Variants in SPAG17 observed in about 807,000 individuals in gnomAD.
The protein encoded by SPAG17 is sperm-associated antigen 17.
Under a neutral mutation model 273.6 loss-of-function variants are expected in SPAG17, and 169 were observed. The observed-to-expected ratio is 0.62, with a 90% CI of 0.55 to 0.70. The LOEUF (loss-of-function observed/expected upper bound fraction) is 0.70. Ranked by LOEUF, SPAG17 falls within the 30% of genes least tolerant of loss-of-function variation. The pLI is 0.00. For synonymous variants in SPAG17, 825 were observed against 873.2 expected, an observed-to-expected ratio of 0.94 and a Z score of 0.97; for missense variants, 2,557 against 2,627.8, an observed-to-expected ratio of 0.97 and a Z score of 0.59.
At chr1:118,015,444 GTTAT>G (rs1198172876) in intron 29 of SPAG17, among the ~76,000 whole-genome samples, 2 of 152,102 alleles carry the variant, frequency 1.3e-5, no homozygotes, top group Non-Finnish European at 2.9e-5. Flanking sequence ...GGATTCTTGA[GTTAT>G]TTAATGTGTG....
chr1:117,991,581 A>G lies in SPAG17; in HGVS notation c.5362-53T>C, dbSNP rs572317239. 3.5e-5 allele frequency: 40 copies of G among 1,138,350 alleles called. No homozygotes were observed. In the African/African-American group the frequency reaches 5.8e-4, roughly 16 times the overall value. 70.5% of individuals were successfully genotyped at this position (1,138,350 alleles called of 1,614,324 possible). On this transcript the variant is annotated intron_variant, in intron 36 of 48. Coordinates refer to ENST00000336338, the MANE Select transcript of SPAG17 (RefSeq NM_206996.4). ...CAAAAACTAGGAATTAGGAAGAGAG[A>G]GATACAAAAATGGTCATCAACTTGA...
At position 117,966,691 on chromosome 1, in the gene SPAG17, AT is replaced by A; in HGVS notation, c.6449del (p.Asp2150ValfsTer16). 1 of 1,614,026 alleles carries A rather than the reference AT, an allele frequency of 6.2e-7. No individual in the cohort carries two copies. Among genetic ancestry groups the A allele is most frequent in the Non-Finnish European group, 8.5e-7 (1 of 1,179,970 alleles). On this transcript the variant is annotated frameshift_variant, in exon 47 of 49. Transcript: ENST00000336338. LOFTEE classifies it high-confidence loss of function. Reference sequence around the variant, plus strand: ...AGATGTGTGCTGATCCCTTGGCCCCATCCTCTCCAACAGCTGTGGCAAATAA... The same window carrying A: ...AGATGTGTGCTGATCCCTTGGCCCCACCTCTCCAACAGCTGTGGCAAATAA... ...IELFATAVGE[D>X]GAKGSAHISH...
chr1:118,116,136 T>C (rs1657065848), intron 3 of SPAG17, among the ~76,000 whole-genome samples: 1 of 152,174 alleles, frequency 6.6e-6, no homozygotes, highest in Non-Finnish European at 1.5e-5. Context: ...TTACAGCTTG[T>C]TTCCCCTAAA....
At chr1:118,140,269 T>C (rs899241758) in intron 3 of SPAG17, among the ~76,000 whole-genome samples, 2 of 152,218 alleles carry the variant, frequency 1.3e-5, no homozygotes, top group Non-Finnish European at 2.9e-5. Context: ...AATACATTTT[T>C]TCTTTTTTTA....
At chr1:118,173,858 T>TAA (rs11392346) in intron 1 of SPAG17, among the ~76,000 whole-genome samples, 1,361 of 118,210 alleles carry the variant, frequency 0.012, 23 homozygotes, top group East Asian at 0.065. Flanking sequence ...AGACCCTGTC[T>TAA]AAAAAAAAAA....
intron 27 of SPAG17, among the ~76,000 whole-genome samples, chr1:118,023,984 A>G (rs1418832662): frequency 6.6e-6 from 1 of 152,156 alleles, no homozygotes; most frequent in African/African-American, 2.4e-5. Flanking sequence ...GCTGATGAGA[A>G]GTCAAATGTC....
intron 3 of SPAG17, among the ~76,000 whole-genome samples, chr1:118,132,031 G>A (rs1325393037): frequency 6.6e-6 from 1 of 152,230 alleles, no homozygotes; most frequent in Non-Finnish European, 1.5e-5. Context: ...TTTTCGTGGA[G>A]TTGGGGAGAT....
intron 1 of SPAG17, among the ~76,000 whole-genome samples, chr1:118,158,632 C>T (rs1195582453): frequency 6.6e-6 from 1 of 152,162 alleles, no homozygotes; most frequent in African/African-American, 2.4e-5. Flanking sequence ...AGACACGTTT[C>T]CTGGCCTGCC....
intron 32 of SPAG17, among the ~76,000 whole-genome samples, chr1:117,997,671 T>C (rs1159286897): frequency 6.6e-6 from 1 of 152,090 alleles, no homozygotes; most frequent in Non-Finnish European, 1.5e-5. Flanking sequence ...AGTTTGAGTT[T>C]GCAGGCCATA....
chr1:118,125,245 A>ATATTTTTTT (rs146004766), intron 3 of SPAG17, among the ~76,000 whole-genome samples: 19 of 150,750 alleles, frequency 1.3e-4, no homozygotes, highest in Admixed American at 4.0e-4. Flanking sequence ...ATATATATAT[A>ATATTTTTTT]TTTTTGACAT....
chr1:118,012,732 G>C (rs1571236585), intron 29 of SPAG17, among the ~76,000 whole-genome samples: 1 of 152,220 alleles, frequency 6.6e-6, no homozygotes, highest in African/African-American at 2.4e-5. Context: ...TGATAAATGC[G>C]GCATATTGTG....
At chr1:118,027,058 G>T (rs1282142523) in intron 26 of SPAG17, among the ~76,000 whole-genome samples, 1 of 152,096 alleles carries the variant, frequency 6.6e-6, no homozygotes, top group Non-Finnish European at 1.5e-5. Flanking sequence ...GTATTAAGCT[G>T]GGGTTTGATA....
intron 3 of SPAG17, among the ~76,000 whole-genome samples, chr1:118,121,528 C>T (rs1327351439): frequency 6.6e-6 from 1 of 152,156 alleles, no homozygotes; most frequent in African/African-American, 2.4e-5. Context: ...ATTAGATTCT[C>T]ATAGGAGTGT....
chr1:118,061,501 A>T (rs887022451), intron 18 of SPAG17, among the ~76,000 whole-genome samples: 3 of 152,238 alleles, frequency 2.0e-5, no homozygotes, highest in African/African-American at 7.2e-5. Flanking sequence ...AATTCATAGA[A>T]GCAGAGAAGA....
At chr1:117,988,052 C>T (rs1360427288) in intron 39 of SPAG17, 53 bp downstream of exon 39, 2 of 1,502,942 alleles carry the variant, frequency 1.3e-6, no homozygotes, top group Non-Finnish European at 1.8e-6. Flanking sequence ...ATTCCATTTC[C>T]TCAATCACTG....
At chr1:118,110,518 G>A (rs1558020388) in intron 4 of SPAG17, among the ~76,000 whole-genome samples, 2 of 152,106 alleles carry the variant, frequency 1.3e-5, no homozygotes. Context: ...AGGACATTAG[G>A]AATAATCTCT....
At chr1:118,177,670 T>C (rs541737274) in intron 1 of SPAG17, among the ~76,000 whole-genome samples, 1 of 152,038 alleles carries the variant, frequency 6.6e-6, no homozygotes, top group African/African-American at 2.4e-5. Context: ...AATTGTCAAA[T>C]CTTTAGCTAG....
intron 13 of SPAG17, among the ~76,000 whole-genome samples, chr1:118,083,747 T>C (rs1482932182): frequency 3.3e-5 from 5 of 151,992 alleles, no homozygotes; most frequent in Non-Finnish European, 7.4e-5. Flanking sequence ...ATCACACCAC[T>C]GCACTCCAGC....
Position 118,085,984 on chromosome 1 carries a change from G to C in SPAG17, c.1700C>G (p.Pro567Arg). The C allele has an allele frequency of 6.2e-7, 1 of 1,613,780 alleles. No individual in the cohort carries two copies. Among genetic ancestry groups the C allele is most frequent in the South Asian group, 1.1e-5 (1 of 91,016 alleles). Residue 567 changes from proline (P) to arginine (R), a missense_variant, in exon 13 of 49, where the codon CCA (proline) becomes CGA (arginine). Pro to Arg is a moderately radical substitution (Grantham distance 103, BLOSUM62 -2). Transcript: ENST00000336338. ...TAGACGTTTAGTGTTGTTCCATGGT[G>C]GGGGTAGAGGGAATTGAAGAAATTC... ...LWEFLQFPLPPPWNNTKRLAT... is the reference protein window; with the variant it reads ...LWEFLQFPLPRPWNNTKRLAT...
Sources: allele counts gnomAD v4.1 joint callset (sites outside exome capture counted in the v4.1 genomes callset), GRCh38; gene constraint gnomAD v4.1.1; transcripts MANE v1.5; gene names NCBI Gene and HGNC (gene_info 2026-07-23, HGNC 2026-07-21).